The following TLCD3B variants were observed in gnomAD, a reference collection of about 807,000 sequenced individuals.
TLCD3B encodes TLC domain containing 3B.
Under a neutral mutation model 23.0 loss-of-function variants are expected in TLCD3B, and 9 were observed. That is an observed-to-expected ratio of 0.39 (90% CI 0.24 to 0.68). The LOEUF (loss-of-function observed/expected upper bound fraction) is 0.68. Among genes scored for constraint, TLCD3B ranks in the 30% least tolerant of loss-of-function variants. The pLI is 0.44. For missense variants in TLCD3B, 307 were observed against 371.8 expected (o/e 0.83, Z 1.43); for synonymous variants, 161 against 161.0 (o/e 1.00, Z 0.00).
intron 3 of TLCD3B, among the ~76,000 whole-genome samples, chr16:30,036,948 G>A (rs150878311): frequency 0.012 from 1,749 of 151,978 alleles, 23 homozygotes; most frequent in African/African-American, 0.04. Context: ...AGCCAGGCGT[G>A]ATGGTGGGAA....
At chr16:30,034,143 C>T (rs2071420284), upstream of TLCD3B, among the ~76,000 whole-genome samples, 1 of 151,718 alleles carries the variant, frequency 6.6e-6, no homozygotes, top group Admixed American at 6.6e-5. Flanking sequence ...CATGGTGGTG[C>T]ACACCTGTAG....
At chr16:30,037,117 A>T (rs1177806731) in intron 3 of TLCD3B, among the ~76,000 whole-genome samples, 1 of 149,808 alleles carries the variant, frequency 6.7e-6, no homozygotes, top group Non-Finnish European at 1.5e-5. Flanking sequence ...TAATAAAATA[A>T]AAAAAAAACA....
chr16:30,052,600 G>A (rs1447485135), intron 1 of TLCD3B, among the ~76,000 whole-genome samples: 1 of 152,000 alleles, frequency 6.6e-6, no homozygotes, highest in Non-Finnish European at 1.5e-5. Flanking sequence ...GGGAGGCTGA[G>A]GCAGGTGAAT....
At position 30,030,662 on chromosome 16, in the gene TLCD3B, G is replaced by A; in HGVS notation, c.-135C>T. 7.9e-7 allele frequency: 1 copy of A among 1,257,970 alleles called. No individual in the cohort carries two copies. The highest frequency in any genetic ancestry group is 1.8e-5 in the South Asian group (1 of 54,782). The allele number at this position is 1,257,970 out of a possible 1,614,324, so 77.9% of individuals were successfully genotyped here. A position where few individuals can be genotyped will look rare whatever the true frequency, so the allele number is the denominator to read the frequency against. On this transcript the variant is annotated 5_prime_UTR_variant, in exon 1 of 5. Coordinates refer to ENST00000380495, the MANE Select transcript of TLCD3B (RefSeq NM_031478.6). ...AAACGATGAGAAGGGGCACAAAGGG[G>A]CCAGGGCGGGGACGGGATGGGGCCA... is the stretch of plus-strand genomic sequence containing the variant.
At chr16:30,046,178 G>C (rs1273450434) in intron 2 of TLCD3B, 1 of 152,548 alleles carries the variant, frequency 6.6e-6, no homozygotes, top group Admixed American at 6.6e-5. Context: ...GGGCAGTGCA[G>C]GGCAGGGGTA....
intron 2 of TLCD3B, among the ~76,000 whole-genome samples, chr16:30,042,397 T>C (rs1009033771): frequency 3.3e-5 from 5 of 152,202 alleles, no homozygotes; most frequent in Non-Finnish European, 5.9e-5. Flanking sequence ...CTAATTTTTG[T>C]ATTTTTAGTA....
At chr16:30,045,275 TG>T (rs1373564529) in intron 2 of TLCD3B, among the ~76,000 whole-genome samples, 1 of 146,958 alleles carries the variant, frequency 6.8e-6, no homozygotes, top group East Asian at 2.0e-4. Flanking sequence ...GTGATGTGTG[TG>T]GTGTGTGTGT....
At position 30,024,967 on chromosome 16, in the gene TLCD3B, C is replaced by A; in HGVS notation, c.*216G>T. ...CGGTGCCCCCTCCCCTCCTCCAGCG[C>A]AAGGGTGTGCAGGAAGGGGGCAGAG... On this transcript the variant is annotated 3_prime_UTR_variant, in exon 5 of 5. Transcript: ENST00000380495. 2.0e-6 allele frequency: 1 copy of A among 491,024 alleles called. No individual in the cohort carries two copies. The highest frequency in any genetic ancestry group is 3.7e-5 in the South Asian group (1 of 26,898). 30.4% of individuals were successfully genotyped at this position (491,024 alleles called of 1,614,324 possible).
upstream of TLCD3B, among the ~76,000 whole-genome samples, chr16:30,031,503 G>A (rs2071358847): frequency 2.0e-5 from 3 of 152,178 alleles, no homozygotes; most frequent in Admixed American, 2.0e-4. Context: ...GCAAATGCCT[G>A]GCATCTCCTC....
chr16:30,033,200 G>A (rs2071402056), upstream of TLCD3B: 1 of 152,612 alleles, frequency 6.6e-6, no homozygotes, highest in African/African-American at 2.4e-5. Context: ...AGTGAGCCGA[G>A]ATCGTGCCAT....
chr16:30,030,168 A>C, intron 1 of TLCD3B: 3 of 1,462,426 alleles, frequency 2.1e-6, no homozygotes, highest in Non-Finnish European at 2.8e-6. Flanking sequence ...TGTACGGGGA[A>C]GAAGAGAGAG....
exon 1 of TLCD3B, chr16:30,052,857 C>T (rs1247476980): frequency 2.0e-5 from 3 of 152,138 alleles, no homozygotes; most frequent in African/African-American, 7.2e-5. Flanking sequence ...TGGGTGTAGC[C>T]TGGGGGTTCA....
chr16:30,024,728 C>T lies in TLCD3B; in HGVS notation c.*455G>A, dbSNP rs74400203. 0.091 allele frequency: 17,054 copies of T among 186,748 alleles called. 1,130 individuals are homozygous for T. Among genetic ancestry groups the T allele is most frequent in the African/African-American group, 0.19 (8,038 of 42,486 alleles). 11.6% of individuals were successfully genotyped at this position (186,748 alleles called of 1,614,324 possible). A position where few individuals can be genotyped will look rare whatever the true frequency, so the allele number is the denominator to read the frequency against. On this transcript the variant is annotated 3_prime_UTR_variant, in exon 5 of 5. Coordinates refer to ENST00000380495, the MANE Select transcript of TLCD3B (RefSeq NM_031478.6). ...AAGCTGGCCTACCCTGGAGAGGAGCCGTGGTTGCAGCCGGCCACTCGGGAG... is the reference window on the plus strand; with the variant it reads ...AAGCTGGCCTACCCTGGAGAGGAGCTGTGGTTGCAGCCGGCCACTCGGGAG...
At chr16:30,044,297 T>C (rs2071622805) in intron 2 of TLCD3B, among the ~76,000 whole-genome samples, 1 of 151,326 alleles carries the variant, frequency 6.6e-6, no homozygotes, top group African/African-American at 2.4e-5. Context: ...AGTGCTAAAC[T>C]AACCATGTAC....
chr16:30,026,921 G>T, intron 2 of TLCD3B, 78 bp from the exon 3 acceptor site: 1 of 1,235,298 alleles, frequency 8.1e-7, no homozygotes, highest in South Asian at 1.3e-5. Flanking sequence ...TCAGGGGTCA[G>T]CACAGCAGCC....
upstream of TLCD3B, among the ~76,000 whole-genome samples, chr16:30,032,470 T>A (rs929565120): frequency 6.6e-6 from 1 of 152,062 alleles, no homozygotes; most frequent in African/African-American, 2.4e-5. Flanking sequence ...TAGAGACGGT[T>A]GTAGAGACAA....
intron 3 of TLCD3B, among the ~76,000 whole-genome samples, chr16:30,040,142 A>AAAAAT: frequency 9.2e-6 from 1 of 108,918 alleles, no homozygotes; most frequent in Admixed American, 1.0e-4. Context: ...TCAAAAAAAA[A>AAAAAT]AAAAAATATA....
In TLCD3B at chr16:30,029,113, G is replaced by C. The variant is rs189733149; in HGVS notation, c.209+319C>G. 5.8e-4 allele frequency among the ~76,000 whole-genome samples: 88 copies of C among 152,300 alleles called. No individual in the cohort carries two copies. The highest frequency in any genetic ancestry group is 9.9e-4 in the Non-Finnish European group (67 of 68,012). Reference sequence around the variant, plus strand: ...CCATCTGGGTGCTGGCTGGAAATGGGGTCTGCCTCCTGGGGTGGAAGGCAG... The same window carrying C: ...CCATCTGGGTGCTGGCTGGAAATGGCGTCTGCCTCCTGGGGTGGAAGGCAG... On this transcript the variant is annotated intron_variant, in intron 2 of 4. Coordinates refer to ENST00000380495, the MANE Select transcript of TLCD3B (RefSeq NM_031478.6). This position sits in a 1 kb window ranked among gnomAD's most constrained non-coding sequence, Gnocchi z 4.6.
At chr16:30,045,517 G>GT (rs2071655791) in intron 2 of TLCD3B, among the ~76,000 whole-genome samples, 1 of 121,994 alleles carries the variant, frequency 8.2e-6, no homozygotes, top group African/African-American at 3.1e-5. Flanking sequence ...GTGTGTGTGT[G>GT]GTGTGTGTGG....
Sources: allele counts gnomAD v4.1 joint callset (sites outside exome capture counted in the v4.1 genomes callset), GRCh38; gene constraint gnomAD v4.1.1; non-coding constraint Gnocchi (gnomAD v3.1); transcripts MANE v1.5; gene names NCBI Gene and HGNC (gene_info 2026-07-23, HGNC 2026-07-21).